KCNIP4: variants seen among roughly 807,000 people sequenced by gnomAD.
The protein encoded by KCNIP4 is Kv channel-interacting protein 4.
KCNIP4 carries 12 observed loss-of-function variants against 34.0 expected under a neutral mutation model. The observed-to-expected ratio is 0.35, with a 90% CI of 0.23 to 0.57. The LOEUF is 0.57. KCNIP4 is among the 20% of genes least tolerant of loss of function. KCNIP4 has a pLI of 0.83. For missense variants in KCNIP4, 238 were observed against 311.7 expected, an observed-to-expected ratio of 0.76 and a Z score of 1.78; for synonymous variants, 124 against 102.2, an observed-to-expected ratio of 1.21 and a Z score of -1.29.
At chr4:21,841,683 A>C (rs1020364495) in intron 1 of KCNIP4, among the ~76,000 whole-genome samples, 2 of 152,192 alleles carry the variant, frequency 1.3e-5, no homozygotes. Context: ...GTCAAAATCT[A>C]TAGGTTGTTT....
intron 1 of KCNIP4, among the ~76,000 whole-genome samples, chr4:21,643,276 T>C (rs1487613519): frequency 6.6e-6 from 1 of 152,214 alleles, no homozygotes; most frequent in Non-Finnish European, 1.5e-5. Context: ...ATCATAGTAG[T>C]TAAGTTAGAG....
At chr4:21,396,652 A>G (rs2109535421) in intron 1 of KCNIP4, among the ~76,000 whole-genome samples, 1 of 151,756 alleles carries the variant, frequency 6.6e-6, no homozygotes, top group East Asian at 1.9e-4. Flanking sequence ...TTGTCAAAGT[A>G]ACCAATATCC....
chr4:21,558,513 T>G (rs1739260523), intron 1 of KCNIP4, among the ~76,000 whole-genome samples: 1 of 151,418 alleles, frequency 6.6e-6, no homozygotes, highest in African/African-American at 2.4e-5. Flanking sequence ...AATAAATAAA[T>G]ATATAAATAA....
intron 1 of KCNIP4, among the ~76,000 whole-genome samples, chr4:21,302,324 G>C (rs56218325): frequency 6.6e-6 from 1 of 152,102 alleles, no homozygotes; most frequent in Admixed American, 6.5e-5. Flanking sequence ...TTCCACACAA[G>C]AGCTGAAAGA....
intron 1 of KCNIP4, among the ~76,000 whole-genome samples, chr4:21,095,406 C>T (rs1308925478): frequency 6.6e-6 from 1 of 152,184 alleles, no homozygotes; most frequent in Non-Finnish European, 1.5e-5. Flanking sequence ...AATTTCCTCA[C>T]TCCACTTAAC....
intron 1 of KCNIP4, among the ~76,000 whole-genome samples, chr4:21,717,360 G>T (rs1714465774): frequency 6.6e-6 from 1 of 152,026 alleles, no homozygotes; most frequent in African/African-American, 2.4e-5. Flanking sequence ...TTTTACACAT[G>T]ATTTTCACAA....
At chr4:21,307,879 C>G (rs772409173) in intron 1 of KCNIP4, among the ~76,000 whole-genome samples, 1 of 152,100 alleles carries the variant, frequency 6.6e-6, no homozygotes, top group East Asian at 1.9e-4. Context: ...TTTGTGGTTC[C>G]TGCCCACGTG....
At chr4:21,198,679 TG>T (rs1196058513) in intron 1 of KCNIP4, among the ~76,000 whole-genome samples, 1 of 152,180 alleles carries the variant, frequency 6.6e-6, no homozygotes, top group Non-Finnish European at 1.5e-5. Flanking sequence ...CCACCTTGTG[TG>T]GAATAACTTT....
chr4:21,234,236 T>TATATAACATATATTATATATAAC (rs1759114948), intron 1 of KCNIP4, among the ~76,000 whole-genome samples: 1 of 38,926 alleles, frequency 2.6e-5, no homozygotes, highest in Non-Finnish European at 4.0e-5. Flanking sequence ...ATATATAACA[T>TATATAACATATATTATATATAAC]ATATATAACA....
intron 1 of KCNIP4, among the ~76,000 whole-genome samples, chr4:21,038,531 C>T (rs891437857): frequency 1.3e-5 from 2 of 152,094 alleles, no homozygotes; most frequent in African/African-American, 4.8e-5. Context: ...ACAGATACTT[C>T]CCAGTTCCCC....
At chr4:21,012,852 G>A (rs920945346) in intron 1 of KCNIP4, among the ~76,000 whole-genome samples, 1 of 152,166 alleles carries the variant, frequency 6.6e-6, no homozygotes, top group Non-Finnish European at 1.5e-5. Context: ...ATGACCAGTT[G>A]GCCATGATCT....
In KCNIP4 at chr4:21,320,964, T is replaced by TAAAA. The variant is rs528123961; in HGVS notation, c.62-438259_62-438256dup. Among the ~76,000 whole-genome samples the TAAAA allele has an allele frequency of 5.6e-4, 58 of 102,896 alleles. 2 individuals are homozygous for TAAAA. The highest frequency in any genetic ancestry group is 2.0e-3 in the African/African-American group (44 of 21,798). 67.5% of individuals were successfully genotyped at this position (102,896 alleles called of 152,430 possible). A position where few individuals can be genotyped will look rare whatever the true frequency, so the allele number is the denominator to read the frequency against. On this transcript the variant is annotated intron_variant, in intron 1 of 8. Transcript: ENST00000382152. ...TGGGCAATAGAGCAAGAATCTGTCT[T>TAAAA]AAAAAAAAAAAAAAAAAAGAGGAAA...
intron 1 of KCNIP4, among the ~76,000 whole-genome samples, chr4:21,333,726 G>A (rs1715880864): frequency 6.6e-6 from 1 of 151,538 alleles, no homozygotes; most frequent in South Asian, 2.1e-4. Flanking sequence ...ATACATACTG[G>A]CATTCTGTCT....
At chr4:21,858,318 G>T (rs1724876426) in intron 1 of KCNIP4, among the ~76,000 whole-genome samples, 1 of 152,210 alleles carries the variant, frequency 6.6e-6, no homozygotes, top group Non-Finnish European at 1.5e-5. Flanking sequence ...TCTATAATTG[G>T]ATATTTTCAG....
intron 1 of KCNIP4, among the ~76,000 whole-genome samples, chr4:21,421,854 C>G (rs187355797): frequency 6.6e-6 from 1 of 152,160 alleles, no homozygotes; most frequent in Admixed American, 6.5e-5. Flanking sequence ...AACATCACCT[C>G]TATATGAGAA....
chr4:20,753,564 G>C lies in KCNIP4; in HGVS notation c.359-3832C>G, dbSNP rs145168311. ...AGGTTTGTAGAATGAAATCAATCTGGTTTATTTCTTTTTCCTTTCCCACAC... is the reference window on the plus strand; with the variant it reads ...AGGTTTGTAGAATGAAATCAATCTGCTTTATTTCTTTTTCCTTTCCCACAC... On this transcript the variant is annotated intron_variant, in intron 4 of 8. Transcript: ENST00000382152. Among the ~76,000 whole-genome samples the C allele has an allele frequency of 2.3e-3, 356 of 152,176 alleles. 8 individuals carry two copies. The South Asian group carries it at 0.046, about 20-fold the overall frequency.
intron 1 of KCNIP4, among the ~76,000 whole-genome samples, chr4:21,328,893 G>A (rs2113967): frequency 0.37 from 56,333 of 152,132 alleles, 10,783 homozygotes; most frequent in African/African-American, 0.47. Flanking sequence ...GCTACCCCAG[G>A]TGTTCACTCA....
intron 1 of KCNIP4, among the ~76,000 whole-genome samples, chr4:21,152,218 A>C (rs1335931125): frequency 6.6e-6 from 1 of 152,142 alleles, no homozygotes; most frequent in Non-Finnish European, 1.5e-5. Context: ...GCACCACTGC[A>C]CTCCAGCCTG....
intron 1 of KCNIP4, among the ~76,000 whole-genome samples, chr4:21,798,214 C>A (rs1194839117): frequency 6.6e-6 from 1 of 151,276 alleles, no homozygotes; most frequent in Non-Finnish European, 1.5e-5. Flanking sequence ...GACTTATATG[C>A]ATATATGTAT....
Sources: allele counts gnomAD v4.1 joint callset (sites outside exome capture counted in the v4.1 genomes callset), GRCh38; gene constraint gnomAD v4.1.1; transcripts MANE v1.5; gene names NCBI Gene and HGNC (gene_info 2026-07-23, HGNC 2026-07-21).